The following PPP1R9A variants were observed in gnomAD, a reference collection of about 807,000 sequenced individuals.
The protein encoded by PPP1R9A is protein phosphatase 1 regulatory subunit 9A, also known as neurabin-1.
In PPP1R9A, 59 loss-of-function variants were observed where a neutral mutation model predicts 141.9. The ratio of observed to expected loss-of-function variants is 0.42; its 90% CI spans 0.34 to 0.52. The LOEUF (loss-of-function observed/expected upper bound fraction) is 0.52, where lower values mean the gene tolerates loss of function less well. PPP1R9A is among the 20% of genes least tolerant of loss of function. The pLI is 0.10. For missense variants in PPP1R9A, 1,444 were observed against 1,611.9 expected (o/e 0.90, Z 1.78); for synonymous variants, 500 against 569.7 (o/e 0.88, Z 1.74).
chr7:95,285,233 C>A (rs1393114860), intron 17 of PPP1R9A, among the ~76,000 whole-genome samples: 2 of 152,262 alleles, frequency 1.3e-5, no homozygotes, highest in Non-Finnish European at 2.9e-5. Flanking sequence ...ATCTAACAGT[C>A]CAATTCCTAA....
chr7:95,071,823 G>A (rs1813856723), intron 2 of PPP1R9A, among the ~76,000 whole-genome samples: 1 of 151,864 alleles, frequency 6.6e-6, no homozygotes, highest in Non-Finnish European at 1.5e-5. Flanking sequence ...CCACTACCCA[G>A]TGTTAATTAT....
intron 2 of PPP1R9A, among the ~76,000 whole-genome samples, chr7:94,948,497 G>C (rs1230492334): frequency 6.6e-6 from 1 of 152,134 alleles, no homozygotes; most frequent in East Asian, 1.9e-4. Flanking sequence ...CATTGGGAGG[G>C]GGCAGAGGGG....
intron 2 of PPP1R9A, among the ~76,000 whole-genome samples, chr7:95,110,698 T>C (rs1331612469): frequency 6.6e-6 from 1 of 152,180 alleles, no homozygotes; most frequent in Non-Finnish European, 1.5e-5. Flanking sequence ...TCATAATAAT[T>C]TCATAAAAGT....
intron 4 of PPP1R9A, among the ~76,000 whole-genome samples, chr7:95,132,750 A>G (rs1824895970): frequency 6.6e-6 from 1 of 151,898 alleles, no homozygotes; most frequent in Non-Finnish European, 1.5e-5. Flanking sequence ...CACCCGCCAC[A>G]GGATCCACAC....
intron 2 of PPP1R9A, among the ~76,000 whole-genome samples, chr7:94,927,970 G>A (rs1471477711): frequency 6.6e-6 from 1 of 152,110 alleles, no homozygotes; most frequent in African/African-American, 2.4e-5. Context: ...ACTTACACTG[G>A]GGCAGCAGAC....
At position 95,208,730 on chromosome 7, in the gene PPP1R9A, A is replaced by T. The variant is rs562982669; in HGVS notation, c.1956+5000A>T. ...CAGAGCGAGACTCTGTCTCAAAAAA[A>T]AAATAAATAAATAAAAATAAATGTT... On this transcript the variant is annotated intron_variant, in intron 7 of 19. Coordinates refer to ENST00000433360, the MANE Select transcript of PPP1R9A (RefSeq NM_001166160.2). 2.3e-4 allele frequency among the ~76,000 whole-genome samples: 35 copies of T among 152,184 alleles called. No individual in the cohort carries two copies. In the South Asian group the frequency reaches 4.6e-3, roughly 20 times the overall value.
intron 12 of PPP1R9A, among the ~76,000 whole-genome samples, chr7:95,262,435 C>T (rs1019952842): frequency 1.6e-4 from 24 of 152,160 alleles, no homozygotes; most frequent in African/African-American, 5.1e-4. Flanking sequence ...AATCTAAATT[C>T]CATATCCTTT....
At chr7:95,048,972 T>C (rs1055105547) in intron 2 of PPP1R9A, among the ~76,000 whole-genome samples, 1 of 151,128 alleles carries the variant, frequency 6.6e-6, no homozygotes, top group Non-Finnish European at 1.5e-5. Context: ...AAAAATGACT[T>C]GGGCATTTCA....
intron 7 of PPP1R9A, among the ~76,000 whole-genome samples, chr7:95,221,510 G>A (rs1044047309): frequency 2.4e-4 from 37 of 152,020 alleles, no homozygotes; most frequent in African/African-American, 8.9e-4. Context: ...GTCTACATAC[G>A]TCTCCCACTA....
intron 2 of PPP1R9A, among the ~76,000 whole-genome samples, chr7:95,058,105 A>G (rs992465819): frequency 6.6e-6 from 1 of 152,210 alleles, no homozygotes; most frequent in Non-Finnish European, 1.5e-5. Flanking sequence ...TGAGTACTGT[A>G]AATAATCATC....
At chr7:95,125,734 TC>T (rs1823445538) in intron 4 of PPP1R9A, among the ~76,000 whole-genome samples, 1 of 152,220 alleles carries the variant, frequency 6.6e-6, no homozygotes, top group Admixed American at 6.5e-5. Flanking sequence ...TCAATCACTG[TC>T]CTTTTCAATT....
chr7:95,170,803 G>A (rs900211677), intron 5 of PPP1R9A, among the ~76,000 whole-genome samples: 3 of 151,466 alleles, frequency 2.0e-5, no homozygotes, highest in Non-Finnish European at 4.4e-5. Flanking sequence ...GAAATTATGT[G>A]GGTAAATATA....
chr7:95,254,429 C>T (rs1350441332), intron 12 of PPP1R9A, among the ~76,000 whole-genome samples: 1 of 152,194 alleles, frequency 6.6e-6, no homozygotes, highest in Non-Finnish European at 1.5e-5. Context: ...GAAAGTAAGG[C>T]TGCAGACCTA....
At chr7:95,085,338 G>T (rs902753027) in intron 2 of PPP1R9A, among the ~76,000 whole-genome samples, 1 of 151,146 alleles carries the variant, frequency 6.6e-6, no homozygotes, top group South Asian at 2.1e-4. Context: ...TGGACTTAGC[G>T]ATTCTCCCAT....
chr7:95,194,570 T>C (rs1835954977), intron 5 of PPP1R9A, among the ~76,000 whole-genome samples: 1 of 152,070 alleles, frequency 6.6e-6, no homozygotes, highest in South Asian at 2.1e-4. Flanking sequence ...CAAATGATTC[T>C]AGGAAATCTG....
chr7:95,148,019 G>C (rs1056332034), intron 4 of PPP1R9A, among the ~76,000 whole-genome samples: 1 of 152,116 alleles, frequency 6.6e-6, no homozygotes, highest in Non-Finnish European at 1.5e-5. Context: ...AATGAAAATA[G>C]ATCATGTTAA....
At chr7:95,191,403 TA>T (rs1192492529) in intron 5 of PPP1R9A, among the ~76,000 whole-genome samples, 2 of 152,216 alleles carry the variant, frequency 1.3e-5, no homozygotes, top group East Asian at 3.8e-4. Context: ...ATTTATAATG[TA>T]TAGTGATCAT....
intron 2 of PPP1R9A, among the ~76,000 whole-genome samples, chr7:95,077,627 AAAAC>A (rs1363096723): frequency 2.6e-5 from 4 of 152,214 alleles, no homozygotes; most frequent in Non-Finnish European, 5.9e-5. Context: ...TTAACAAGAA[AAAAC>A]AAACAAACAG....
At position 95,017,951 on chromosome 7, in the gene PPP1R9A, G is replaced by C. The variant is rs367714690; in HGVS notation, c.1396-93308G>C. Among the ~76,000 whole-genome samples, 75 of 152,276 alleles carry C rather than the reference G, an allele frequency of 4.9e-4. 2 individuals carry two copies. In the South Asian group the frequency reaches 0.013, roughly 27 times the overall value. Reference sequence around the variant, plus strand: ...TAAACTTGCTTGGGAGATTGAGATAGTGCCTTTCTCTGGGAGAAGAGTCTG... The same window carrying C: ...TAAACTTGCTTGGGAGATTGAGATACTGCCTTTCTCTGGGAGAAGAGTCTG... On this transcript the variant is annotated intron_variant, in intron 2 of 19. Transcript: ENST00000433360.
Sources: allele counts gnomAD v4.1 joint callset (sites outside exome capture counted in the v4.1 genomes callset), GRCh38; gene constraint gnomAD v4.1.1; transcripts MANE v1.5; gene names NCBI Gene and HGNC (gene_info 2026-07-23, HGNC 2026-07-21).